The following RBPJ variants were observed in gnomAD, a reference collection of about 807,000 sequenced individuals.
RBPJ encodes recombining binding protein suppressor of hairless.
A neutral mutation model predicts 67.8 loss-of-function variants in RBPJ; 9 were observed. The observed-to-expected ratio is 0.13, with a 90% CI of 0.08 to 0.23. The LOEUF is 0.23. Ranked by LOEUF, RBPJ falls within the 10% of genes least tolerant of loss-of-function variation. RBPJ has a pLI of 1.00. For synonymous variants in RBPJ, 198 were observed against 203.3 expected (o/e 0.97, Z 0.22); for missense variants, 305 against 595.6 (o/e 0.51, Z 5.08).
At chr4:26,349,122 C>T (rs904352627) in intron 1 of RBPJ, among the ~76,000 whole-genome samples, 4 of 151,196 alleles carry the variant, frequency 2.6e-5, no homozygotes, top group Admixed American at 6.6e-5. Context: ...CTCTAGAGTG[C>T]AGTGGCGTTC....
At chr4:26,412,683 T>C (rs887374492) in intron 3 of RBPJ, among the ~76,000 whole-genome samples, 1 of 152,234 alleles carries the variant, frequency 6.6e-6, no homozygotes, top group African/African-American at 2.4e-5. Context: ...TTGAGTTTTA[T>C]AGCTGATACA....
intron 1 of RBPJ, among the ~76,000 whole-genome samples, chr4:26,184,666 A>G (rs1356986968): frequency 6.6e-6 from 1 of 152,136 alleles, no homozygotes; most frequent in African/African-American, 2.4e-5. Flanking sequence ...ATCTTTGTCA[A>G]TCCTCATAAC....
Position 26,424,416 on chromosome 4 carries a change from C to G in RBPJ, c.571C>G (p.His191Asp). Residue 191 changes from histidine (H) to aspartate (D), a missense_variant, in exon 6 of 11, where the codon CAT becomes GAT. Transcript: ENST00000355476. This position sits in a 1 kb window ranked among gnomAD's most constrained non-coding sequence, Gnocchi z 5.3. ...RSQTVSTRYLHVEGGNFHASS... is the reference protein window; with the variant it reads ...RSQTVSTRYLDVEGGNFHASS... ...CCAGACAGTTAGTACCAGATACTTG[C>G]ATGTAGAAGGAGGTAATTTTCATGC... The G allele has an allele frequency of 1.2e-6, 2 of 1,613,912 alleles. No individual in the cohort carries two copies. Among genetic ancestry groups the G allele is most frequent in the South Asian group, 1.1e-5 (1 of 91,064 alleles).
intron 1 of RBPJ, among the ~76,000 whole-genome samples, chr4:26,169,477 C>T (rs1328130609): frequency 6.6e-6 from 1 of 152,180 alleles, no homozygotes; most frequent in Non-Finnish European, 1.5e-5. Context: ...GTCAGTCTGC[C>T]CCTACTGGGG....
rs184400553 is a variant in RBPJ at position 26,251,166 on chromosome 4, G to A, written c.-167+87552G>A. On this transcript the variant is annotated intron_variant, in intron 1 of 4. Transcript: ENST00000512351. ...AATGTTGGTGTCCCTATGTGCTGTT[G>A]TGTTTATTATTGCAACTGTCCCAAG... Among the ~76,000 whole-genome samples, 24 of 152,274 alleles carry A rather than the reference G, an allele frequency of 1.6e-4. No homozygotes were observed. The East Asian group carries it at 4.6e-3, about 29-fold the overall frequency.
intron 4 of RBPJ, among the ~76,000 whole-genome samples, chr4:26,416,798 G>C (rs1191221865): frequency 6.6e-6 from 1 of 152,134 alleles, no homozygotes; most frequent in Non-Finnish European, 1.5e-5. Flanking sequence ...CTCTCAAATT[G>C]AATTTTAGTG....
intron 1 of RBPJ, among the ~76,000 whole-genome samples, chr4:26,228,580 G>A (rs1443228554): frequency 2.0e-5 from 3 of 152,044 alleles, no homozygotes; most frequent in Non-Finnish European, 4.4e-5. Context: ...TCGTTTTCAG[G>A]TTTCTATAAC....
At chr4:26,294,029 A>G (rs1721765439) in intron 1 of RBPJ, among the ~76,000 whole-genome samples, 1 of 152,110 alleles carries the variant, frequency 6.6e-6, no homozygotes, top group Non-Finnish European at 1.5e-5. Context: ...AAGTGCTGGG[A>G]TTACTGGCAT....
intron 1 of RBPJ, among the ~76,000 whole-genome samples, chr4:26,262,292 C>T (rs1452380526): frequency 6.6e-6 from 1 of 152,104 alleles, no homozygotes; most frequent in Non-Finnish European, 1.5e-5. Flanking sequence ...CCAGGCTGGA[C>T]TAGAACCCCT....
chr4:26,298,203 T>A (rs1721951339), intron 1 of RBPJ, among the ~76,000 whole-genome samples: 1 of 152,210 alleles, frequency 6.6e-6, no homozygotes, highest in Admixed American at 6.5e-5. Flanking sequence ...AAATACCTTC[T>A]CTCATTTTCT....
chr4:26,221,574 G>A (rs1245696737), intron 1 of RBPJ, among the ~76,000 whole-genome samples: 1 of 152,200 alleles, frequency 6.6e-6, no homozygotes, highest in Non-Finnish European at 1.5e-5. Flanking sequence ...GAGAGACGGC[G>A]AGACCCTTGG....
In RBPJ at chr4:26,406,512, C is replaced by T. The variant is rs144698993; in HGVS notation, c.155+242C>T. On this transcript the variant is annotated intron_variant, in intron 3 of 10. Coordinates refer to ENST00000355476, the MANE Select transcript of RBPJ (RefSeq NM_015874.6). Reference sequence around the variant, plus strand: ...GGAGACAGAGGACCTCTCAGCAAGGCAGTCTTTACTTTCTGCAGAAAGGGT... The same window carrying T: ...GGAGACAGAGGACCTCTCAGCAAGGTAGTCTTTACTTTCTGCAGAAAGGGT... Among the ~76,000 whole-genome samples, 19 of 152,298 alleles carry T rather than the reference C, an allele frequency of 1.2e-4. 1 individual carries two copies. In the East Asian group the frequency reaches 3.5e-3, roughly 28 times the overall value.
Position 26,182,580 on chromosome 4 carries a change from A to G in RBPJ, c.-167+18966A>G, listed in dbSNP as rs1462316188. On this transcript the variant is annotated intron_variant, in intron 1 of 4. Coordinates refer to the RBPJ transcript ENST00000512351. The stretch of plus-strand genomic sequence containing the variant: ...CTGATCACGGCTCACTGCTGCCTCA[A>G]CCTCCTGGGTTCAAGCCACCCTCCT... Among the ~76,000 whole-genome samples the G allele has an allele frequency of 3.3e-5, 5 of 150,618 alleles. 1 individual carries two copies. Among genetic ancestry groups the G allele is most frequent in the East Asian group, 2.0e-4 (1 of 5,042 alleles).
intron 1 of RBPJ, among the ~76,000 whole-genome samples, chr4:26,177,441 G>A (rs575835015): frequency 6.6e-6 from 1 of 152,282 alleles, no homozygotes; most frequent in East Asian, 1.9e-4. Context: ...GCTGGGCCTA[G>A]TGTTGTGCAC....
intron 1 of RBPJ, among the ~76,000 whole-genome samples, chr4:26,224,659 A>T (rs1048024243): frequency 3.6e-5 from 5 of 139,682 alleles, no homozygotes; most frequent in Non-Finnish European, 6.4e-5. Flanking sequence ...CACCCTGCCC[A>T]GAACAGAACA....
chr4:26,287,552 C>G (rs939594576), intron 1 of RBPJ, among the ~76,000 whole-genome samples: 3 of 68,802 alleles, frequency 4.4e-5, no homozygotes, highest in Non-Finnish European at 7.7e-5. Context: ...GACCTTGCCT[C>G]GGAAAGGAAA....
intron 1 of RBPJ, among the ~76,000 whole-genome samples, chr4:26,285,678 T>TAA (rs545484809): frequency 0.091 from 8,715 of 96,156 alleles, 539 homozygotes; most frequent in African/African-American, 0.12. Flanking sequence ...ACTGATACGT[T>TAA]AAAAAAAAAA....
intron 1 of RBPJ, among the ~76,000 whole-genome samples, chr4:26,254,031 T>A (rs1161277305): frequency 6.7e-6 from 1 of 148,900 alleles, no homozygotes; most frequent in Non-Finnish European, 1.5e-5. Flanking sequence ...ATAAGAACAT[T>A]GAGTAACAAG....
chr4:26,133,976 G>C, the RBPJ span, among the ~76,000 whole-genome samples: 1 of 152,000 alleles, frequency 6.6e-6, no homozygotes, highest in Non-Finnish European at 1.5e-5. Flanking sequence ...GACTGTCAGA[G>C]GGAGCTGCAT....
Sources: gnomAD v4.1 joint callset for allele counts (sites outside exome capture counted in the v4.1 genomes callset) on GRCh38, gnomAD v4.1.1 for gene constraint, Gnocchi (gnomAD v3.1) non-coding constraint, MANE v1.5 for transcripts, NCBI Gene and HGNC (gene_info 2026-07-23, HGNC 2026-07-21) for gene names.